Variants in ITPR1 observed in about 807,000 individuals in gnomAD.
ITPR1 encodes inositol 1,4,5-trisphosphate-gated calcium channel ITPR1.
A neutral mutation model predicts 318.4 loss-of-function variants in ITPR1; 96 were observed. The observed-to-expected ratio is 0.30, with a 90% CI of 0.26 to 0.36. The LOEUF (loss-of-function observed/expected upper bound fraction) is 0.36, where lower values mean the gene tolerates loss of function less well. Ranked by LOEUF, ITPR1 falls within the 10% of genes least tolerant of loss-of-function variation. The pLI, the probability that ITPR1 is intolerant of heterozygous loss-of-function variation, is 1.00. For synonymous variants in ITPR1, 1,312 were observed against 1,289.9 expected, an observed-to-expected ratio of 1.02 and a Z score of -0.37; for missense variants, 2,440 against 3,460.2, an observed-to-expected ratio of 0.71 and a Z score of 7.40.
intron 46 of ITPR1, among the ~76,000 whole-genome samples, chr3:4,771,799 G>T (rs1391775252): frequency 6.6e-6 from 1 of 152,102 alleles, no homozygotes. Flanking sequence ...AGATTATCCA[G>T]TTCAGTGCTT....
chr3:4,627,170 TA>T (rs71623171), intron 4 of ITPR1, among the ~76,000 whole-genome samples: 14,527 of 147,170 alleles, frequency 0.099, 2,251 homozygotes, highest in African/African-American at 0.33. Flanking sequence ...TGGATTTGTA[TA>T]AAAAAAAAAA....
Position 4,836,880 on chromosome 3 carries a change from C to G in ITPR1, c.8135C>G (p.Ser2712Cys). 1 of 1,597,124 alleles carries G rather than the reference C, an allele frequency of 6.3e-7. No homozygotes were observed. Among genetic ancestry groups the G allele is most frequent in the Non-Finnish European group, 8.6e-7 (1 of 1,167,940 alleles). The change falls in exon 61 of 62, where the codon TCC (serine) becomes TGC (cysteine). Residue 2712 changes from serine to cysteine, a missense_variant. This residue lies in a region of ITPR1 where 63 missense variants were observed against 63.4 expected (regional missense o/e 0.99). Coordinates refer to ENST00000649015, the MANE Select transcript of ITPR1 (RefSeq NM_001378452.1). ...ELRNLQEKLE[S>C]TMKLVTNLSG... ...AGAAACCTGCAGGAGAAGCTGGAGTCCACCATGAAACTTGTCACGAACCTT... is the reference window on the plus strand; with the variant it reads ...AGAAACCTGCAGGAGAAGCTGGAGTGCACCATGAAACTTGTCACGAACCTT...
chr3:4,597,254 A>T (rs2090904023), intron 4 of ITPR1, among the ~76,000 whole-genome samples: 1 of 152,242 alleles, frequency 6.6e-6, no homozygotes, highest in South Asian at 2.1e-4. Flanking sequence ...TGTAGGCCAG[A>T]TAGAATGTTG....
chr3:4,514,203 A>G (rs2082030137), intron 2 of ITPR1, among the ~76,000 whole-genome samples: 1 of 152,218 alleles, frequency 6.6e-6, no homozygotes, highest in African/African-American at 2.4e-5. Context: ...GTCTTCAACA[A>G]CAAAATGGCA....
At chr3:4,782,496 T>A in intron 49 of ITPR1, 123 bp from the exon 50 acceptor site, 1 of 967,934 alleles carries the variant, frequency 1.0e-6, no homozygotes, top group Non-Finnish European at 1.5e-6. Flanking sequence ...CCAAGCCCGA[T>A]AGGAGAGAGT....
At chr3:4,511,187 G>A (rs1364520624) in intron 2 of ITPR1, among the ~76,000 whole-genome samples, 2 of 152,196 alleles carry the variant, frequency 1.3e-5, no homozygotes, top group Non-Finnish European at 2.9e-5. Flanking sequence ...AGAAGGCAGA[G>A]AGCAATACAG....
chr3:4,659,616 C>T (rs2093789429), intron 13 of ITPR1, among the ~76,000 whole-genome samples: 1 of 151,466 alleles, frequency 6.6e-6, no homozygotes, highest in Non-Finnish European at 1.5e-5. Context: ...GCCTGGGAGG[C>T]AGAGGTTGCA....
chr3:4,762,962 G>T (rs2045556718), intron 44 of ITPR1, among the ~76,000 whole-genome samples: 3 of 152,152 alleles, frequency 2.0e-5, no homozygotes, highest in African/African-American at 7.2e-5. Flanking sequence ...TGATAGACTG[G>T]ATAAAGAAAT....
chr3:4,829,135 G>A (rs1336333772), intron 60 of ITPR1, among the ~76,000 whole-genome samples: 1 of 152,230 alleles, frequency 6.6e-6, no homozygotes, highest in African/African-American at 2.4e-5. Context: ...ACCCAGTGAG[G>A]TAGCTGGTGA....
intron 1 of ITPR1, among the ~76,000 whole-genome samples, chr3:4,493,885 T>C (rs968971197): frequency 3.0e-4 from 40 of 133,776 alleles, no homozygotes; most frequent in Non-Finnish European, 5.2e-4. Context: ...AGGAAATAGT[T>C]CTTTTTTTTT....
intron 10 of ITPR1, among the ~76,000 whole-genome samples, chr3:4,650,278 C>T (rs768776222): frequency 9.9e-5 from 15 of 152,150 alleles, no homozygotes; most frequent in African/African-American, 1.9e-4. Flanking sequence ...CTATTTTTGA[C>T]CTTCTGAGGA....
intron 4 of ITPR1, among the ~76,000 whole-genome samples, chr3:4,622,876 T>G (rs115083044): frequency 1.3e-3 from 197 of 152,350 alleles, no homozygotes; most frequent in African/African-American, 4.6e-3. Flanking sequence ...TACTCAATCT[T>G]TAGACCCTGG....
chr3:4,662,865 C>T (rs1204573719), intron 15 of ITPR1, among the ~76,000 whole-genome samples, 200 bp from the exon 16 acceptor site: 1 of 152,106 alleles, frequency 6.6e-6, no homozygotes, highest in Non-Finnish European at 1.5e-5. Context: ...TAAAGGTGAT[C>T]ATCCTTTTGT....
intron 4 of ITPR1, among the ~76,000 whole-genome samples, chr3:4,526,898 G>A (rs75323275): frequency 1.3e-5 from 2 of 152,338 alleles, no homozygotes; most frequent in East Asian, 3.9e-4. Context: ...AACTTCTTTA[G>A]AGTAATTTGT....
chr3:4,791,767 G>A (rs928713208), intron 52 of ITPR1, among the ~76,000 whole-genome samples: 1 of 152,202 alleles, frequency 6.6e-6, no homozygotes, highest in Non-Finnish European at 1.5e-5. Flanking sequence ...TTGACGCATG[G>A]AAGTACAAGA....
At chr3:4,639,559 C>T (rs547486089) in intron 6 of ITPR1, 89 bp downstream of exon 6, 27 of 956,040 alleles carry the variant, frequency 2.8e-5, no homozygotes, top group Non-Finnish European at 2.9e-5. Context: ...GGTTTGGACA[C>T]CTTTACAGCA....
At chr3:4,565,575 T>C (rs2087148586) in intron 4 of ITPR1, among the ~76,000 whole-genome samples, 1 of 152,218 alleles carries the variant, frequency 6.6e-6, no homozygotes, top group African/African-American at 2.4e-5. Flanking sequence ...GTCTTTCTCC[T>C]TCCTGGTTGG....
chr3:4,657,152 T>A (rs975353576), intron 12 of ITPR1, among the ~76,000 whole-genome samples: 1 of 152,246 alleles, frequency 6.6e-6, no homozygotes. Flanking sequence ...GGACATCTTT[T>A]TCAGGGCTAC....
chr3:4,499,941 G>C (rs2080895175), intron 2 of ITPR1, among the ~76,000 whole-genome samples: 1 of 152,142 alleles, frequency 6.6e-6, no homozygotes, highest in African/African-American at 2.4e-5. Flanking sequence ...ACTTTGCTTA[G>C]GTGGGTGTGA....
Sources: allele counts gnomAD v4.1 joint callset (sites outside exome capture counted in the v4.1 genomes callset), GRCh38; gene constraint gnomAD v4.1.1; regional missense constraint gnomAD v4.1.1; transcripts MANE v1.5; gene names NCBI Gene and HGNC (gene_info 2026-07-23, HGNC 2026-07-21).